SPOCK2: variants seen among roughly 807,000 people sequenced by gnomAD.
The protein encoded by SPOCK2 is SPARC (osteonectin), cwcv and kazal like domains proteoglycan 2, also known as testican-2.
A neutral mutation model predicts 60.1 loss-of-function variants in SPOCK2; 39 were observed. That is an observed-to-expected ratio of 0.65 (90% CI 0.50 to 0.85). The LOEUF (loss-of-function observed/expected upper bound fraction) is 0.85, where lower values mean the gene tolerates loss of function less well. Among genes scored for constraint, SPOCK2 ranks in the 40% least tolerant of loss-of-function variants. The pLI is 0.00. For missense variants in SPOCK2, 523 were observed against 567.4 expected (o/e 0.92, Z 0.80); for synonymous variants, 217 against 231.5 (o/e 0.94, Z 0.57).
chr10:72,060,837 G>C lies in SPOCK2; in HGVS notation c.*1923C>G, dbSNP rs943599103. On this transcript the variant is annotated 3_prime_UTR_variant, in exon 11 of 11. Coordinates refer to ENST00000373109, the MANE Select transcript of SPOCK2 (RefSeq NM_001244950.2). ...CCCCAAGAAGGACTCGGAAGATGTT[G>C]ATTCCAGGGCAGAGTGAGGGGCAGA... 3 of 152,312 alleles carry C rather than the reference G, an allele frequency of 2.0e-5. No homozygotes were observed. Among genetic ancestry groups the C allele is most frequent in the Admixed American group, 2.0e-4 (3 of 15,286 alleles). 9.4% of individuals were successfully genotyped at this position (152,312 alleles called of 1,614,324 possible). A position where few individuals can be genotyped will look rare whatever the true frequency, so the allele number is the denominator to read the frequency against.
rs779334907 is a variant in SPOCK2, at chr10:72,062,132, C to G, written c.*628G>C. The G allele has an allele frequency of 2.0e-5, 3 of 152,678 alleles. No individual in the cohort carries two copies. The highest frequency in any genetic ancestry group is 4.4e-5 in the Non-Finnish European group (3 of 68,388). 9.5% of individuals were successfully genotyped at this position (152,678 alleles called of 1,614,324 possible). A position where few individuals can be genotyped will look rare whatever the true frequency, so the allele number is the denominator to read the frequency against. ...TGTGGCTGGGCGTCCTGGCCCGTCTCATCTGAGGCTGGTGGGGATGTCACA... is the reference window on the plus strand; with the variant it reads ...TGTGGCTGGGCGTCCTGGCCCGTCTGATCTGAGGCTGGTGGGGATGTCACA... On this transcript the variant is annotated 3_prime_UTR_variant, in exon 11 of 11. Transcript: ENST00000373109. The surrounding 1 kb of genome is among the most constrained non-coding windows in gnomAD (Gnocchi z 4.3).
chr10:72,074,403 T>A (rs1055243865), intron 1 of SPOCK2, among the ~76,000 whole-genome samples: 1 of 151,970 alleles, frequency 6.6e-6, no homozygotes, highest in Non-Finnish European at 1.5e-5. Context: ...TGTGCATTTA[T>A]GCAGACCCAG....
At position 72,067,133 on chromosome 10, in the gene SPOCK2, C is replaced by T; in HGVS notation, c.710-13G>A. 6.2e-7 allele frequency: 1 copy of T among 1,609,842 alleles called. No homozygotes were observed. The highest frequency in any genetic ancestry group is 1.8e-4 in the Middle Eastern group (1 of 5,642). ...CTCTTGTCCAGCCCTGGGAAAAGAT[C>T]AGGTTCAGGCACGCTTCATCTGGCT... On this transcript the variant is annotated splice_polypyrimidine_tract_variant and intron_variant, in intron 7 of 10. Transcript: ENST00000373109.
rs142091068 is a variant in SPOCK2, at chr10:72,067,625, C to T, written c.697G>A (p.Gly233Ser). ...GCAAGCTTCCTACCGCTGGCCGGGC[C>T]GGCTACACTGCTGGCTGAGCCATTC... is the stretch of plus-strand genomic sequence containing the variant. ...KQNGSASSVA[G>S]PASGLDKSLG... Residue 233 changes from glycine to serine, a missense_variant, in exon 7 of 11, where the codon GGC becomes AGC. Gly to Ser is a moderately conservative substitution (Grantham distance 56, BLOSUM62 0). Coordinates refer to ENST00000373109, the MANE Select transcript of SPOCK2 (RefSeq NM_001244950.2). 1.5e-4 allele frequency: 241 copies of T among 1,613,016 alleles called. 1 individual carries two copies. In the East Asian group the frequency reaches 1.7e-3, roughly 11 times the overall value.
At chr10:72,079,024 A>T (rs1341828518) in intron 1 of SPOCK2, among the ~76,000 whole-genome samples, 4 of 152,252 alleles carry the variant, frequency 2.6e-5, no homozygotes, top group Non-Finnish European at 5.9e-5. Context: ...GGCAAGCATT[A>T]TGCTAAACAC....
intron 4 of SPOCK2, among the ~76,000 whole-genome samples, chr10:72,071,457 G>A (rs572417565): frequency 1.8e-3 from 270 of 152,314 alleles, no homozygotes; most frequent in Non-Finnish European, 3.3e-3. Flanking sequence ...CCAAAGTGCT[G>A]GGATTACAGG....
chr10:72,070,122 T>C lies in SPOCK2; in HGVS notation c.474+190A>G. 3 of 570,960 alleles carry C rather than the reference T, an allele frequency of 5.3e-6. No homozygotes were observed. In the Admixed American group the frequency reaches 9.2e-5, roughly 18 times the overall value. The allele number at this position is 570,960 out of a possible 1,614,324, so 35.4% of individuals were successfully genotyped here. ...GGGACAGACAGGGTCTGGCTCCAAC[T>C]CTCAGGTAGTTCCAGCCAGGGCTGC... On this transcript the variant is annotated intron_variant, in intron 5 of 10. Coordinates refer to ENST00000373109, the MANE Select transcript of SPOCK2 (RefSeq NM_001244950.2).
intron 2 of SPOCK2, 57 bp downstream of exon 2, chr10:72,072,845 G>A: frequency 6.4e-7 from 1 of 1,551,248 alleles, no homozygotes; most frequent in Non-Finnish European, 8.7e-7. Context: ...GGACACAGGA[G>A]GGGAGGGGGT....
At chr10:72,077,010 G>A (rs963234612) in intron 1 of SPOCK2, among the ~76,000 whole-genome samples, 1 of 152,226 alleles carries the variant, frequency 6.6e-6, no homozygotes, top group African/African-American at 2.4e-5. Context: ...AGGGGCACTG[G>A]ACCAGGAGTC....
chr10:72,077,910 G>A (rs1022275865), intron 1 of SPOCK2, among the ~76,000 whole-genome samples: 15 of 152,166 alleles, frequency 9.9e-5, no homozygotes, highest in African/African-American at 2.2e-4. Flanking sequence ...AAACTGCAGC[G>A]CCTCCTGAGG....
intron 1 of SPOCK2, among the ~76,000 whole-genome samples, chr10:72,076,676 C>T (rs757606755): frequency 6.6e-5 from 10 of 152,206 alleles, no homozygotes; most frequent in Non-Finnish European, 1.3e-4. Context: ...GCCTTAGACT[C>T]CTACAGTGCT....
chr10:72,065,468 A>C lies in SPOCK2; in HGVS notation c.929-1228T>G, dbSNP rs193114641. 2.6e-5 allele frequency among the ~76,000 whole-genome samples: 4 copies of C among 152,354 alleles called. No homozygotes were observed. In the East Asian group the frequency reaches 5.8e-4, roughly 22 times the overall value. On this transcript the variant is annotated intron_variant, in intron 8 of 10. Transcript: ENST00000373109. ...CAGGTGCACAGGAGGCCGCACCACC[A>C]AGGTCTGTGTAAGTACTCCTATGAT...
chr10:72,082,248 T>C (rs1456456740), intron 1 of SPOCK2, among the ~76,000 whole-genome samples: 1 of 152,228 alleles, frequency 6.6e-6, no homozygotes, highest in African/African-American at 2.4e-5. Flanking sequence ...GGTCAGAGGC[T>C]GGCACACTTC....
chr10:72,068,574 A>ACCTGTCTCCCCTCCCCTGCC (rs1840603350), intron 5 of SPOCK2, among the ~76,000 whole-genome samples: 1 of 151,716 alleles, frequency 6.6e-6, no homozygotes, highest in East Asian at 1.9e-4. Flanking sequence ...CTCCCAGGAC[A>ACCTGTCTCCCCTCCCCTGCC]CCTGTCTCCC....
chr10:72,072,543 G>A lies in SPOCK2; in HGVS notation c.204C>T (p.Asp68=), dbSNP rs1461126323. The change falls in exon 3 of 11, where the codon GAC becomes GAT. Residue 68 remains aspartate, a synonymous_variant. Transcript: ENST00000373109. The stretch of plus-strand genomic sequence containing the variant: ...GATTGTCCTCCCAGCTCTTGATATA[G>A]TCATCCTAGAGGACAGAGAGGGACA... ...WNRFRDEVED[D]YIKSWEDNQQ... 6.2e-7 allele frequency: 1 copy of A among 1,613,934 alleles called. No individual in the cohort carries two copies. The highest frequency in any genetic ancestry group is 8.5e-7 in the Non-Finnish European group (1 of 1,179,988).
chr10:72,063,249 G>A, intron 9 of SPOCK2, 87 bp from the exon 10 acceptor site: 1 of 1,521,580 alleles, frequency 6.6e-7, no homozygotes, highest in Non-Finnish European at 8.8e-7. Context: ...TCATGCATGA[G>A]CAGAAGTCTA....
intron 1 of SPOCK2, among the ~76,000 whole-genome samples, chr10:72,082,153 C>T (rs182719570): frequency 1.1e-3 from 169 of 152,310 alleles, no homozygotes; most frequent in Non-Finnish European, 4.1e-4. Context: ...CCAACCTGTG[C>T]CAAATGAGTT....
chr10:72,080,529 T>A (rs181201013), intron 1 of SPOCK2, among the ~76,000 whole-genome samples: 129 of 151,886 alleles, frequency 8.5e-4, no homozygotes, highest in Non-Finnish European at 1.5e-3. Context: ...ACACCTGGGA[T>A]CCTCCTCCGC....
At chr10:72,070,512 A>G in intron 4 of SPOCK2, 86 bp from the exon 5 acceptor site, 1 of 1,293,572 alleles carries the variant, frequency 7.7e-7, no homozygotes, top group South Asian at 1.3e-5. Flanking sequence ...GACCTGTTCC[A>G]ACAGGAAGGC....
Sources: allele counts gnomAD v4.1 joint callset (sites outside exome capture counted in the v4.1 genomes callset), GRCh38; gene constraint gnomAD v4.1.1; non-coding constraint Gnocchi (gnomAD v3.1); transcripts MANE v1.5; gene names NCBI Gene and HGNC (gene_info 2026-07-23, HGNC 2026-07-21).